The following SAMD12 variants were observed in gnomAD, a reference collection of about 807,000 sequenced individuals.
SAMD12 encodes the protein sterile alpha motif domain-containing protein 12.
In SAMD12, 9 loss-of-function variants were observed where a neutral mutation model predicts 15.0. The observed-to-expected ratio is 0.60, with a 90% CI of 0.36 to 1.05. The LOEUF (loss-of-function observed/expected upper bound fraction) is 1.05, where lower values mean the gene tolerates loss of function less well. SAMD12 is among the 50% of genes least tolerant of loss of function. SAMD12 has a pLI of 0.01. For synonymous variants in SAMD12, 86 were observed against 90.1 expected (o/e 0.96, Z 0.25); for missense variants, 230 against 234.2 (o/e 0.98, Z 0.12).
At chr8:118,506,084 C>T (rs775795563) in intron 2 of SAMD12, among the ~76,000 whole-genome samples, 62 of 152,088 alleles carry the variant, frequency 4.1e-4, no homozygotes, top group Non-Finnish European at 7.2e-4. Context: ...TTCATTGTCT[C>T]GGTTAATTGC....
intron 2 of SAMD12, among the ~76,000 whole-genome samples, chr8:118,574,891 C>T (rs1827109512): frequency 6.6e-6 from 1 of 152,206 alleles, no homozygotes; most frequent in African/African-American, 2.4e-5. Flanking sequence ...CCAACAAATA[C>T]AGATAGCCAA....
chr8:118,456,738 G>A (rs1330380071), intron 2 of SAMD12, among the ~76,000 whole-genome samples: 2 of 152,144 alleles, frequency 1.3e-5, no homozygotes, highest in African/African-American at 4.8e-5. Flanking sequence ...TATATTTACT[G>A]GATACTTGTT....
chr8:118,575,260 T>A (rs937441718), intron 2 of SAMD12, among the ~76,000 whole-genome samples: 2 of 152,324 alleles, frequency 1.3e-5, no homozygotes, highest in South Asian at 2.1e-4. Context: ...AAGATTCACA[T>A]AATGCATCCC....
At chr8:118,397,452 C>T (rs1410851005) in intron 3 of SAMD12, among the ~76,000 whole-genome samples, 1 of 152,126 alleles carries the variant, frequency 6.6e-6, no homozygotes, top group Non-Finnish European at 1.5e-5. Context: ...CTAGAACACA[C>T]CTTGCAATAT....
chr8:118,476,758 T>C (rs1395705582), intron 2 of SAMD12, among the ~76,000 whole-genome samples: 1 of 152,180 alleles, frequency 6.6e-6, no homozygotes, highest in Non-Finnish European at 1.5e-5. Context: ...CATACTAAAA[T>C]TATTTCATGC....
At chr8:118,147,895 T>G in the SAMD12 span, among the ~76,000 whole-genome samples, 1 of 139,324 alleles carries the variant, frequency 7.2e-6, no homozygotes, top group Non-Finnish European at 1.6e-5. Flanking sequence ...GATTACTCCT[T>G]GCTGAATTTT....
At chr8:118,510,596 T>TC (rs1262227066) in intron 2 of SAMD12, among the ~76,000 whole-genome samples, 1 of 152,088 alleles carries the variant, frequency 6.6e-6, no homozygotes, top group Admixed American at 6.6e-5. Context: ...GGCAACACCC[T>TC]CCCCCAGGGT....
At chr8:118,488,149 C>A (rs1326506265) in intron 2 of SAMD12, among the ~76,000 whole-genome samples, 1 of 151,898 alleles carries the variant, frequency 6.6e-6, no homozygotes, top group Admixed American at 6.6e-5. Flanking sequence ...TGAGCCTTAC[C>A]CCAAACACGT....
At chr8:118,251,066 A>G (rs1171119881) in intron 4 of SAMD12, among the ~76,000 whole-genome samples, 2 of 152,166 alleles carry the variant, frequency 1.3e-5, no homozygotes, top group Non-Finnish European at 2.9e-5. Context: ...CTTAATCCTG[A>G]GGCAACACTA....
At chr8:118,238,097 G>A (rs1812476110) in intron 4 of SAMD12, among the ~76,000 whole-genome samples, 1 of 152,086 alleles carries the variant, frequency 6.6e-6, no homozygotes, top group Non-Finnish European at 1.5e-5. Context: ...AGACACACAT[G>A]GCTTTAAACT....
intron 2 of SAMD12, among the ~76,000 whole-genome samples, chr8:118,561,100 A>G (rs1563585130): frequency 6.6e-6 from 1 of 152,188 alleles, no homozygotes. Flanking sequence ...TTCCCAAACT[A>G]TGTAAGCTTT....
intron 2 of SAMD12, among the ~76,000 whole-genome samples, chr8:118,567,196 T>C (rs1429964946): frequency 6.6e-6 from 1 of 152,040 alleles, no homozygotes; most frequent in Non-Finnish European, 1.5e-5. Flanking sequence ...GCAGAGAGAG[T>C]AAGAAATTGG....
At position 118,621,882 on chromosome 8, in the gene SAMD12, C is replaced by A; in HGVS notation, c.-66G>T. 16 of 1,542,318 alleles carry A rather than the reference C, an allele frequency of 1.0e-5. No homozygotes were observed. The highest frequency in any genetic ancestry group is 1.3e-5 in the Non-Finnish European group (14 of 1,114,618). On this transcript the variant is annotated 5_prime_UTR_variant, in exon 1 of 4. Coordinates refer to ENST00000314727, the MANE Select transcript of SAMD12 (RefSeq NM_207506.3). ...CGAGGTACTCCTCCTGCCCCGCGCT[C>A]CCCCCTTCCTCTCGCTTTCGCCTAA...
intron 4 of SAMD12, among the ~76,000 whole-genome samples, chr8:118,310,333 G>C (rs1413792804): frequency 6.6e-6 from 1 of 152,148 alleles, no homozygotes; most frequent in Non-Finnish European, 1.5e-5. Flanking sequence ...ATTCCAGTCT[G>C]TCTCTAGTGT....
chr8:118,441,266 A>G (rs1250177571), intron 2 of SAMD12, among the ~76,000 whole-genome samples: 1 of 152,190 alleles, frequency 6.6e-6, no homozygotes, highest in Non-Finnish European at 1.5e-5. Context: ...TGGCAAAATA[A>G]ATTTTATTTT....
At chr8:118,556,827 G>T (rs1361298096) in intron 2 of SAMD12, among the ~76,000 whole-genome samples, 1 of 152,080 alleles carries the variant, frequency 6.6e-6, no homozygotes, top group African/African-American at 2.4e-5. Flanking sequence ...GGCTGGGTGT[G>T]GTGGCAGCTG....
At chr8:118,284,858 T>C (rs2130191585) in intron 4 of SAMD12, 1 of 148,760 alleles carries the variant, frequency 6.7e-6, no homozygotes, top group Non-Finnish European at 1.5e-5. Flanking sequence ...AGGAGAATGG[T>C]GTGTACCCAG....
exon 5 of SAMD12, chr8:118,194,964 T>C (rs1214920055): frequency 6.6e-6 from 1 of 152,224 alleles, no homozygotes; most frequent in East Asian, 1.9e-4. Flanking sequence ...AGAATAGTAG[T>C]TCATATGCAA....
At chr8:118,586,083 C>G (rs16891216) in intron 1 of SAMD12, among the ~76,000 whole-genome samples, 15,991 of 152,118 alleles carry the variant, frequency 0.11, 1,038 homozygotes, top group African/African-American at 0.18. Flanking sequence ...GAAAACACTC[C>G]CAGTTGCCCC....
Sources: allele counts gnomAD v4.1 joint callset (sites outside exome capture counted in the v4.1 genomes callset), GRCh38; gene constraint gnomAD v4.1.1; transcripts MANE v1.5; gene names NCBI Gene and HGNC (gene_info 2026-07-23, HGNC 2026-07-21).